MYEF2: variants seen among roughly 807,000 people sequenced by gnomAD.
MYEF2 encodes myelin expression factor 2, also known as myelin gene expression factor 2.
A neutral mutation model predicts 75.2 loss-of-function variants in MYEF2; 37 were observed. The ratio of observed to expected loss-of-function variants is 0.49; its 90% CI spans 0.38 to 0.65. The LOEUF (loss-of-function observed/expected upper bound fraction) is 0.65. MYEF2 is among the 30% of genes least tolerant of loss of function. The pLI is 0.00. For missense variants in MYEF2, 634 were observed against 771.4 expected (o/e 0.82, Z 2.11); for synonymous variants, 195 against 241.6 (o/e 0.81, Z 1.79).
intron 3 of MYEF2, among the ~76,000 whole-genome samples, chr15:48,167,096 T>C (rs894097027): frequency 6.6e-6 from 1 of 152,030 alleles, no homozygotes; most frequent in African/African-American, 2.4e-5. Flanking sequence ...TAAAATCTTA[T>C]TGGCTAAGAA....
intron 5 of MYEF2, among the ~76,000 whole-genome samples, chr15:48,163,901 A>G (rs1028419775): frequency 6.6e-6 from 1 of 152,216 alleles, no homozygotes; most frequent in African/African-American, 2.4e-5. Context: ...TGCTCAAAAA[A>G]AAAATCCTTT....
intron 10 of MYEF2, chr15:48,153,561 A>G (rs1316654991): frequency 9.4e-6 from 4 of 423,396 alleles, no homozygotes; most frequent in Non-Finnish European, 1.7e-5. Flanking sequence ...CCAAAATGCT[A>G]AAAGGCTAGC....
In MYEF2 at chr15:48,142,048, G is replaced by A. The variant is rs1466676317; in HGVS notation, c.*860C>T. ...TTGTAGGGAAAGGAGATATGGCTAT[G>A]TCTAACATCGTGGGATCCAATGTGT... is the stretch of plus-strand genomic sequence containing the variant. On this transcript the variant is annotated 3_prime_UTR_variant, in exon 17 of 17. Coordinates refer to ENST00000324324, the MANE Select transcript of MYEF2 (RefSeq NM_016132.5). The A allele has an allele frequency of 1.9e-6, 3 of 1,612,568 alleles. No individual in the cohort carries two copies. The highest frequency in any genetic ancestry group is 2.5e-6 in the Non-Finnish European group (3 of 1,179,116).
In MYEF2 at chr15:48,159,769, C is replaced by A; in HGVS notation, c.561G>T (p.Gln187His). The A allele has an allele frequency of 1.2e-5, 19 of 1,613,394 alleles. No homozygotes were observed. The highest frequency in any genetic ancestry group is 1.6e-5 in the Non-Finnish European group (19 of 1,179,670). ...PDGENARRAL[Q>H]RTGGSFPGGH... ...CTCCTGGAAATGATCCTCCTGTTCG[C>A]TGCAATGCCCTACGAGCATTTTCTC... Residue 187 changes from glutamine (Q) to histidine (H), a missense_variant, in exon 6 of 17, where the codon CAG becomes CAT. Coordinates refer to ENST00000324324, the MANE Select transcript of MYEF2 (RefSeq NM_016132.5).
In MYEF2 at chr15:48,151,520, C is replaced by T. The variant is rs1234538435; in HGVS notation, c.1259G>A (p.Gly420Asp). 2 of 1,613,158 alleles carry T rather than the reference C, an allele frequency of 1.2e-6. No individual in the cohort carries two copies. The highest frequency in any genetic ancestry group is 8.5e-7 in the Non-Finnish European group (1 of 1,179,296). Residue 420 changes from glycine to aspartate, a missense_variant, in exon 13 of 17, where the codon GGT (glycine) becomes GAT (aspartate). Gly to Asp is a moderately conservative substitution (Grantham distance 94). Transcript: ENST00000324324. ...TSSMERDFGR[G>D]DIGINRGFGD... The stretch of plus-strand genomic sequence containing the variant: ...AAAGCCTCGATTTATTCCAATATCA[C>T]CACGTCCAAAATCTCGCTCCATGCT...
intron 16 of MYEF2, among the ~76,000 whole-genome samples, chr15:48,147,794 C>T (rs1186528897): frequency 2.6e-5 from 4 of 151,950 alleles, no homozygotes; most frequent in Non-Finnish European, 4.4e-5. Context: ...AGGGCAGGAG[C>T]ATCTCACTTT....
chr15:48,141,253 C>T lies in MYEF2; in HGVS notation c.*1655G>A, dbSNP rs1567233372. On this transcript the variant is annotated 3_prime_UTR_variant, in exon 17 of 17. Transcript: ENST00000324324. The stretch of plus-strand genomic sequence containing the variant: ...CCCTCAAGCTGCAATGGTCATTCTA[C>T]AAGGCTAGAATGAGTAAAAGTAGCT... 1.4e-6 allele frequency: 2 copies of T among 1,456,766 alleles called. No homozygotes were observed. Among genetic ancestry groups the T allele is most frequent in the African/African-American group, 2.8e-5 (2 of 71,828 alleles). 90.2% of individuals were successfully genotyped at this position (1,456,766 alleles called of 1,614,324 possible).
Position 48,138,927 on chromosome 15 carries a change from C to A in MYEF2, c.*3981G>T. ...AAATAGGCATTTCTAACTTAATTAG[C>A]CATTTGAGAAAACTCAAAAGTGTTT... is the stretch of plus-strand genomic sequence containing the variant. On this transcript the variant is annotated 3_prime_UTR_variant, in exon 17 of 17. Transcript: ENST00000324324. 1 of 1,415,980 alleles carries A rather than the reference C, an allele frequency of 7.1e-7. No homozygotes were observed. Among genetic ancestry groups the A allele is most frequent in the Non-Finnish European group, 9.8e-7 (1 of 1,020,406 alleles). 87.7% of individuals were successfully genotyped at this position (1,415,980 alleles called of 1,614,324 possible).
At position 48,135,083 on chromosome 15, in the gene MYEF2, C is replaced by A; in HGVS notation, c.*7825G>T. The A allele has an allele frequency of 1.2e-6, 1 of 841,866 alleles. No homozygotes were observed. Among genetic ancestry groups the A allele is most frequent in the Non-Finnish European group, 1.9e-6 (1 of 517,930 alleles). 52.1% of individuals were successfully genotyped at this position (841,866 alleles called of 1,614,324 possible). A position where few individuals can be genotyped will look rare whatever the true frequency, so the allele number is the denominator to read the frequency against. ...AGAAATGTTATTTCAGTCACTTAAT[C>A]TGCCACTTCTATACCATATTCCAAC... On this transcript the variant is annotated 3_prime_UTR_variant, in exon 17 of 17. Transcript: ENST00000324324.
Position 48,141,415 on chromosome 15 carries a change from A to G in MYEF2, c.*1493T>C. 2.8e-6 allele frequency: 1 copy of G among 354,922 alleles called. No homozygotes were observed. The highest frequency in any genetic ancestry group is 3.1e-5 in the South Asian group (1 of 32,242). 22.0% of individuals were successfully genotyped at this position (354,922 alleles called of 1,614,324 possible). On this transcript the variant is annotated 3_prime_UTR_variant, in exon 17 of 17. Coordinates refer to ENST00000324324, the MANE Select transcript of MYEF2 (RefSeq NM_016132.5). ...AACATGGTGAAACCCAGTCTCTACT[A>G]AAAATACAAAAATTAGCCGGGCGTG... is the stretch of plus-strand genomic sequence containing the variant.
intron 1 of MYEF2, among the ~76,000 whole-genome samples, chr15:48,176,531 T>G (rs2140951346): frequency 6.6e-6 from 1 of 152,310 alleles, no homozygotes; most frequent in East Asian, 1.9e-4. Flanking sequence ...ATGAAGAGAC[T>G]TTAGAAGGGA....
chr15:48,139,046 T>C lies in MYEF2; in HGVS notation c.*3862A>G, dbSNP rs1211206409. On this transcript the variant is annotated 3_prime_UTR_variant, in exon 17 of 17. Transcript: ENST00000324324. ...GGTATTATCCCTTCCTATTATTACA[T>C]TACTTTTTCTAACCACACCAGATTG... 1.2e-6 allele frequency: 2 copies of C among 1,613,126 alleles called. No homozygotes were observed. The highest frequency in any genetic ancestry group is 1.7e-6 in the Non-Finnish European group (2 of 1,179,298).
intron 1 of MYEF2, among the ~76,000 whole-genome samples, chr15:48,177,335 G>A (rs2040569419): frequency 6.6e-6 from 1 of 150,712 alleles, no homozygotes; most frequent in Admixed American, 6.6e-5. Flanking sequence ...TCCTTCATTT[G>A]GGAAAAAAAA....
chr15:48,163,774 T>G (rs2040037354), intron 5 of MYEF2, among the ~76,000 whole-genome samples: 1 of 152,158 alleles, frequency 6.6e-6, no homozygotes, highest in African/African-American at 2.4e-5. Context: ...GGGCCCTTAA[T>G]AATTAGGCTA....
rs1233508121 is a variant in MYEF2, at chr15:48,134,780, T to C, written c.*8128A>G. 2.1e-6 allele frequency: 2 copies of C among 938,474 alleles called. No homozygotes were observed. The highest frequency in any genetic ancestry group is 5.3e-5 in the Admixed American group (2 of 37,730). The allele number at this position is 938,474 out of a possible 1,614,324, so 58.1% of individuals were successfully genotyped here. A position where few individuals can be genotyped will look rare whatever the true frequency, so the allele number is the denominator to read the frequency against. On this transcript the variant is annotated 3_prime_UTR_variant, in exon 17 of 17. Transcript: ENST00000324324. ...TTTTCTCTAAGCAATATGCAAAAGATAACAATATTTAACTACAAATATATA... is the reference window on the plus strand; with the variant it reads ...TTTTCTCTAAGCAATATGCAAAAGACAACAATATTTAACTACAAATATATA...
chr15:48,151,399 A>C (rs202236767), intron 13 of MYEF2, 74 bp downstream of exon 13: 2 of 1,369,956 alleles, frequency 1.5e-6, no homozygotes, highest in Non-Finnish European at 2.1e-6. Flanking sequence ...CTGATTTTTC[A>C]CAAAAAAAGA....
intron 13 of MYEF2, 73 bp downstream of exon 13, chr15:48,151,400 C>CA (rs937254685): frequency 1.9e-5 from 26 of 1,395,884 alleles, no homozygotes; most frequent in Admixed American, 1.2e-4. Flanking sequence ...TGATTTTTCA[C>CA]AAAAAAAGAG....
At chr15:48,176,281 C>T (rs1396552155) in intron 1 of MYEF2, among the ~76,000 whole-genome samples, 1 of 147,922 alleles carries the variant, frequency 6.8e-6, no homozygotes, top group Non-Finnish European at 1.5e-5. Flanking sequence ...ATGACTCATG[C>T]TGGACCATCA....
In MYEF2 at chr15:48,141,950, G is replaced by A; in HGVS notation, c.*958C>T. On this transcript the variant is annotated 3_prime_UTR_variant, in exon 17 of 17. Transcript: ENST00000324324. Reference sequence around the variant, plus strand: ...CGAATCAACAACAAAAAAGTATCCAGTGTTTCTTTTCTTATGAAGATTATT... The same window carrying A: ...CGAATCAACAACAAAAAAGTATCCAATGTTTCTTTTCTTATGAAGATTATT... 2 of 1,052,918 alleles carry A rather than the reference G, an allele frequency of 1.9e-6. No homozygotes were observed. The highest frequency in any genetic ancestry group is 4.4e-4 in the Middle Eastern group (2 of 4,536). 65.2% of individuals were successfully genotyped at this position (1,052,918 alleles called of 1,614,324 possible).
Sources: gnomAD v4.1 joint callset for allele counts (sites outside exome capture counted in the v4.1 genomes callset) on GRCh38, gnomAD v4.1.1 for gene constraint, MANE v1.5 for transcripts, NCBI Gene and HGNC (gene_info 2026-07-23, HGNC 2026-07-21) for gene names.